The following CFAP92 variants were observed in gnomAD, a reference collection of about 807,000 sequenced individuals.
CFAP92 encodes the protein cilia and flagella associated protein 92 (putative).
Under a neutral mutation model 106.3 loss-of-function variants are expected in CFAP92, and 86 were observed. The observed-to-expected ratio is 0.81, with a 90% CI of 0.68 to 0.97. The LOEUF is 0.97. CFAP92 is among the 50% of genes least tolerant of loss of function. CFAP92 has a pLI of 0.00. For synonymous variants in CFAP92, 477 were observed against 506.4 expected (o/e 0.94, Z 0.78); for missense variants, 1,204 against 1,283.8 (o/e 0.94, Z 0.95).
intron 15 of CFAP92, among the ~76,000 whole-genome samples, chr3:128,911,099 C>G (rs1936256638): frequency 6.6e-6 from 1 of 152,198 alleles, no homozygotes. Flanking sequence ...TCTTGTTGCC[C>G]AAGCTGGAGT....
At chr3:129,022,831 G>A in the CFAP92 span, among the ~76,000 whole-genome samples, 17 of 152,360 alleles carry the variant, frequency 1.1e-4, no homozygotes, top group South Asian at 1.7e-3. Context: ...CCAGAAGTGC[G>A]GCAGGCAGGG....
At chr3:129,002,984 G>A (rs533537156), upstream of CFAP92, among the ~76,000 whole-genome samples, 1 of 152,162 alleles carries the variant, frequency 6.6e-6, no homozygotes, top group Non-Finnish European at 1.5e-5. Flanking sequence ...GGGAGCCGTC[G>A]ACAAACACTT....
chr3:128,983,974 A>G (rs1326201935), intron 4 of CFAP92, among the ~76,000 whole-genome samples: 1 of 152,118 alleles, frequency 6.6e-6, no homozygotes, highest in Non-Finnish European at 1.5e-5. Flanking sequence ...AGGAGGGGGA[A>G]CAAACCTGAG....
At chr3:128,990,141 T>C (rs1280380275) in intron 2 of CFAP92, among the ~76,000 whole-genome samples, 4 of 152,228 alleles carry the variant, frequency 2.6e-5, no homozygotes, top group Non-Finnish European at 4.4e-5. Flanking sequence ...TAGGATAAAT[T>C]AGAGACATAT....
chr3:128,911,031 A>G (rs1408364526), intron 15 of CFAP92, among the ~76,000 whole-genome samples: 1 of 152,154 alleles, frequency 6.6e-6, no homozygotes, highest in Non-Finnish European at 1.5e-5. Context: ...AGTTGTATGT[A>G]TATATGTGTG....
chr3:128,986,405 G>C (rs1017485744), intron 4 of CFAP92, among the ~76,000 whole-genome samples: 3 of 151,958 alleles, frequency 2.0e-5, no homozygotes, highest in Non-Finnish European at 4.4e-5. Flanking sequence ...ATGCTGGGCT[G>C]ATTTTTAAAT....
chr3:128,933,843 A>G (rs911641260), intron 11 of CFAP92, among the ~76,000 whole-genome samples: 2 of 152,168 alleles, frequency 1.3e-5, no homozygotes, highest in African/African-American at 4.8e-5. Flanking sequence ...CCACAGAATC[A>G]AAGAAAAGCC....
At chr3:128,952,530 A>C (rs1423943664) in intron 9 of CFAP92, among the ~76,000 whole-genome samples, 1 of 152,248 alleles carries the variant, frequency 6.6e-6, no homozygotes, top group Admixed American at 6.5e-5. Context: ...GAGATGATAC[A>C]GATCTTGGAA....
chr3:128,998,205 C>G (rs1944553091), upstream of CFAP92, among the ~76,000 whole-genome samples: 1 of 152,156 alleles, frequency 6.6e-6, no homozygotes, highest in Non-Finnish European at 1.5e-5. Flanking sequence ...AAGTCCTTTA[C>G]TGGGCATATG....
rs773157291 is a variant in CFAP92 at position 128,987,697 on chromosome 3, C to T, written c.586G>A (p.Asp196Asn). 38 of 1,613,858 alleles carry T rather than the reference C, an allele frequency of 2.4e-5. No homozygotes were observed. The Middle Eastern group carries it at 4.9e-4, about 21-fold the overall frequency. ...TATCTGACTTTTCTTGACATCTTGT[C>T]TTTAGTGTTCCAGAGCCTCAAGGTG... ...KITLRLWNTK[D>N]KMSRKVRYYR... The change falls in exon 4 of 16, where the codon GAC becomes AAC. Residue 196 changes from aspartate to asparagine, a missense_variant. Physicochemically the swap from Asp to Asn is conservative, Grantham distance 23. Transcript: ENST00000645291.
intron 2 of CFAP92, among the ~76,000 whole-genome samples, chr3:128,989,524 G>T (rs947928062): frequency 4.6e-5 from 7 of 152,104 alleles, no homozygotes; most frequent in Admixed American, 3.3e-4. Context: ...ATGCGGGGTG[G>T]ATAGGGTGAC....
chr3:128,963,476 T>TC (rs1278168764), intron 9 of CFAP92, among the ~76,000 whole-genome samples: 1 of 152,176 alleles, frequency 6.6e-6, no homozygotes, highest in Admixed American at 6.5e-5. Context: ...GCTCCCCGGC[T>TC]CCTTCAGCTG....
the CFAP92 span, among the ~76,000 whole-genome samples, chr3:129,007,723 C>T: frequency 6.6e-6 from 1 of 152,324 alleles, no homozygotes; most frequent in Non-Finnish European, 1.5e-5. Flanking sequence ...AATTTCCTAA[C>T]TTTGAGTCAA....
At chr3:128,958,908 T>A (rs1430400096) in intron 9 of CFAP92, among the ~76,000 whole-genome samples, 5 of 150,302 alleles carry the variant, frequency 3.3e-5, no homozygotes, top group South Asian at 2.1e-4. Flanking sequence ...CTCAAAAAAA[T>A]TTTTTTAAAA....
the CFAP92 span, among the ~76,000 whole-genome samples, chr3:129,023,351 C>T: frequency 6.9e-6 from 1 of 145,962 alleles, no homozygotes; most frequent in African/African-American, 2.5e-5. Context: ...GAGTCTTGCT[C>T]AGTCACCCAG....
chr3:128,929,164 A>G (rs557581217), intron 12 of CFAP92, among the ~76,000 whole-genome samples: 1 of 152,354 alleles, frequency 6.6e-6, no homozygotes, highest in South Asian at 2.1e-4. Flanking sequence ...TAAATTCCTA[A>G]TAAGCACATT....
Position 128,915,347 on chromosome 3 carries a change from C to T in CFAP92, c.3123+10G>A. 4.6e-6 allele frequency: 7 copies of T among 1,536,132 alleles called. No individual in the cohort carries two copies. The highest frequency in any genetic ancestry group is 6.1e-6 in the Non-Finnish European group (7 of 1,146,904). On this transcript the variant is annotated intron_variant, in intron 14 of 15. Transcript: ENST00000645291. ...ACACCCCACCTGAGACCCTGCTCTT[C>T]CCTGTGGACCTCATTCAGCTCTTTG...
chr3:128,965,750 C>A (rs1178306819), intron 8 of CFAP92, 55 bp from the exon 9 acceptor site: 1 of 397,474 alleles, frequency 2.5e-6, no homozygotes, highest in African/African-American at 2.1e-5. Context: ...CCAAGACACG[C>A]ACAGAGGGAT....
intron 1 of CFAP92, chr3:129,001,932 G>A: frequency 1.9e-6 from 3 of 1,541,340 alleles, no homozygotes; most frequent in Non-Finnish European, 2.6e-6. Flanking sequence ...GGCAGCAGGT[G>A]ACGGGAACTC....
Sources: allele counts gnomAD v4.1 joint callset (sites outside exome capture counted in the v4.1 genomes callset), GRCh38; gene constraint gnomAD v4.1.1; transcripts MANE v1.5; gene names NCBI Gene and HGNC (gene_info 2026-07-23, HGNC 2026-07-21).